The following CNTN5 variants were observed in gnomAD, a reference collection of about 807,000 sequenced individuals.
CNTN5 encodes the protein contactin-5.
A neutral mutation model predicts 129.1 loss-of-function variants in CNTN5; 77 were observed. That is an observed-to-expected ratio of 0.60 (90% CI 0.50 to 0.72). The LOEUF is 0.72. Ranked by LOEUF, CNTN5 falls within the 30% of genes least tolerant of loss-of-function variation. The pLI is 0.00. For missense variants in CNTN5, 1,478 were observed against 1,328.8 expected, an observed-to-expected ratio of 1.11 and a Z score of -1.75; for synonymous variants, 509 against 465.6, an observed-to-expected ratio of 1.09 and a Z score of -1.20.
chr11:99,622,516 C>T (rs1212750652), intron 3 of CNTN5, among the ~76,000 whole-genome samples: 1 of 152,034 alleles, frequency 6.6e-6, no homozygotes, highest in East Asian at 1.9e-4. Context: ...ATAGAGACTG[C>T]ATTTTAAAGT....
chr11:99,619,855 T>C (rs1483831902), intron 3 of CNTN5, among the ~76,000 whole-genome samples: 1 of 151,478 alleles, frequency 6.6e-6, no homozygotes, highest in East Asian at 1.9e-4. Context: ...TGAAACCCTG[T>C]CTCTACTAAA....
intron 1 of CNTN5, among the ~76,000 whole-genome samples, chr11:99,221,547 C>A (rs1450900210): frequency 6.6e-6 from 1 of 151,784 alleles, no homozygotes; most frequent in Non-Finnish European, 1.5e-5. Flanking sequence ...TCAGTTTATT[C>A]CCCTGATGGA....
intron 13 of CNTN5, among the ~76,000 whole-genome samples, chr11:100,131,089 A>G: frequency 6.6e-6 from 1 of 152,040 alleles, no homozygotes; most frequent in East Asian, 1.9e-4. Flanking sequence ...CCTCGTGGCA[A>G]TGGTAAGAAA....
chr11:99,330,933 T>C (rs1464986756), intron 2 of CNTN5, among the ~76,000 whole-genome samples: 2 of 151,742 alleles, frequency 1.3e-5, no homozygotes, highest in Admixed American at 6.6e-5. Context: ...AAAATAAACA[T>C]ACACACACAC....
Position 100,193,615 on chromosome 11 carries a change from G to A in CNTN5, c.1836G>A (p.Gln612=), listed in dbSNP as rs569251897. ...DVTFYWTLKG[Q]PIDFEEEGGH... Reference sequence around the variant, plus strand: ...CTTTCTACTGGACTCTGAAAGGACAGCCTATTGATTTCGAGGAAGAGGGTG... The same window carrying A: ...CTTTCTACTGGACTCTGAAAGGACAACCTATTGATTTCGAGGAAGAGGGTG... Residue 612 remains glutamine (Q), a synonymous_variant, in exon 15 of 25, where the codon CAG becomes CAA. Transcript: ENST00000524871. 5 of 1,612,122 alleles carry A rather than the reference G, an allele frequency of 3.1e-6. No individual in the cohort carries two copies. In the Admixed American group the frequency reaches 5.0e-5, roughly 16 times the overall value.
At chr11:99,638,086 CAA>C (rs869209063) in intron 3 of CNTN5, among the ~76,000 whole-genome samples, 1 of 130,454 alleles carries the variant, frequency 7.7e-6, no homozygotes, top group African/African-American at 2.7e-5. Flanking sequence ...GAGAAACAAA[CAA>C]AGGTTTAATT....
chr11:99,402,408 C>T (rs1240113347), intron 2 of CNTN5, among the ~76,000 whole-genome samples: 1 of 152,032 alleles, frequency 6.6e-6, no homozygotes, highest in Non-Finnish European at 1.5e-5. Context: ...GTTTGCATCC[C>T]AGGGGTAAAT....
chr11:99,791,409 C>A (rs575859926), intron 3 of CNTN5, among the ~76,000 whole-genome samples: 1 of 152,018 alleles, frequency 6.6e-6, no homozygotes, highest in African/African-American at 2.4e-5. Flanking sequence ...GAGACTTTCC[C>A]CGTCACTTAT....
At chr11:100,110,285 T>C (rs897757996) in intron 13 of CNTN5, among the ~76,000 whole-genome samples, 6 of 152,042 alleles carry the variant, frequency 3.9e-5, no homozygotes, top group Non-Finnish European at 7.4e-5. Flanking sequence ...GCCAAATTTT[T>C]AGCATTTAAG....
rs569875533 is a variant in CNTN5, at chr11:100,035,267, A to G, written c.981-25945A>G. Among the ~76,000 whole-genome samples the G allele has an allele frequency of 6.7e-3, 1,018 of 151,012 alleles. 6 individuals carry two copies. Among genetic ancestry groups the G allele is most frequent in the Non-Finnish European group, 0.012 (809 of 67,952 alleles). ...AGTTTACTGAGAATGATGATTTCCA[A>G]TTTCATCCATGTCCCTACAAAGGAC... On this transcript the variant is annotated intron_variant, in intron 9 of 24. Transcript: ENST00000524871.
At chr11:99,035,838 G>A (rs552973974) in intron 1 of CNTN5, among the ~76,000 whole-genome samples, 1,700 of 149,836 alleles carry the variant, frequency 0.011, 31 homozygotes, top group African/African-American at 0.04. Context: ...TATTTTGCTC[G>A]TTAGTTGATG....
chr11:99,261,685 T>C (rs1862634902), intron 1 of CNTN5, among the ~76,000 whole-genome samples: 1 of 152,042 alleles, frequency 6.6e-6, no homozygotes, highest in Admixed American at 6.6e-5. Flanking sequence ...TGGTGTAATT[T>C]TCATAACTAA....
chr11:99,136,107 A>G (rs1413071420), intron 1 of CNTN5, among the ~76,000 whole-genome samples: 4 of 152,060 alleles, frequency 2.6e-5, no homozygotes, highest in African/African-American at 9.7e-5. Flanking sequence ...CCTTTCTTAT[A>G]ATGTAAGGCC....
At chr11:99,293,748 T>G (rs576480610) in intron 1 of CNTN5, among the ~76,000 whole-genome samples, 1 of 152,142 alleles carries the variant, frequency 6.6e-6, no homozygotes, top group African/African-American at 2.4e-5. Flanking sequence ...TGTGTTTTTC[T>G]GGTACCAGGT....
At chr11:100,009,319 T>C (rs546731987) in intron 9 of CNTN5, among the ~76,000 whole-genome samples, 3 of 152,182 alleles carry the variant, frequency 2.0e-5, no homozygotes, top group South Asian at 2.1e-4. Context: ...TACAGAACTT[T>C]TAAAGTGACC....
At chr11:99,667,418 A>G (rs532751134) in intron 3 of CNTN5, among the ~76,000 whole-genome samples, 24 of 152,164 alleles carry the variant, frequency 1.6e-4, no homozygotes, top group Non-Finnish European at 3.1e-4. Flanking sequence ...TTTAATACAA[A>G]TTGCTTCTTT....
rs184859037 is a variant in CNTN5 at position 100,209,361 on chromosome 11, T to C, written c.1885-15331T>C. 2.6e-3 allele frequency among the ~76,000 whole-genome samples: 394 copies of C among 152,348 alleles called. 2 individuals are homozygous for C. The highest frequency in any genetic ancestry group is 9.1e-3 in the African/African-American group (380 of 41,584). On this transcript the variant is annotated intron_variant, in intron 15 of 24. Transcript: ENST00000524871. ...CAACATGAACTAGGTAAACTGCTCT[T>C]ACCAAATTAACCAGCCACTATTTGA... is the stretch of plus-strand genomic sequence containing the variant.
At chr11:99,787,809 G>A (rs945331941) in intron 3 of CNTN5, among the ~76,000 whole-genome samples, 6 of 151,838 alleles carry the variant, frequency 4.0e-5, no homozygotes, top group East Asian at 1.9e-4. Flanking sequence ...AAAATCTCTC[G>A]TGACCTCATT....
intron 3 of CNTN5, among the ~76,000 whole-genome samples, chr11:99,643,838 T>C (rs1021421508): frequency 1.6e-4 from 13 of 83,266 alleles, no homozygotes; most frequent in African/African-American, 2.7e-4. Context: ...TAAATTCTTA[T>C]ATTTCAAAAT....
Sources: allele counts gnomAD v4.1 joint callset (sites outside exome capture counted in the v4.1 genomes callset), GRCh38; gene constraint gnomAD v4.1.1; transcripts MANE v1.5; gene names NCBI Gene and HGNC (gene_info 2026-07-23, HGNC 2026-07-21).